EPHA7: variants seen among roughly 807,000 people sequenced by gnomAD.
EPHA7 encodes the protein EPH receptor A7, also known as ephrin type-A receptor 7.
In EPHA7, 25 loss-of-function variants were observed where a neutral mutation model predicts 112.6. The observed-to-expected ratio is 0.22, with a 90% CI of 0.16 to 0.31. The LOEUF (loss-of-function observed/expected upper bound fraction) is 0.31, where lower values mean the gene tolerates loss of function less well. Among genes scored for constraint, EPHA7 ranks in the 10% least tolerant of loss-of-function variants. The probability of loss-of-function intolerance (pLI) is 1.00; values close to 1 mark genes in which losing one functional copy is unlikely to be tolerated. For synonymous variants in EPHA7, 437 were observed against 406.5 expected (o/e 1.07, Z -0.90); for missense variants, 962 against 1,212.6 (o/e 0.79, Z 3.07).
At chr6:93,311,843 G>T (rs9363063) in intron 5 of EPHA7, among the ~76,000 whole-genome samples, 1 of 152,090 alleles carries the variant, frequency 6.6e-6, no homozygotes, top group Non-Finnish European at 1.5e-5. Context: ...TAATCTATGG[G>T]CTGCAGAATA....
chr6:93,249,176 T>C (rs1770094333), intron 14 of EPHA7, among the ~76,000 whole-genome samples: 1 of 152,174 alleles, frequency 6.6e-6, no homozygotes, highest in South Asian at 2.1e-4. Context: ...TGCATATCAC[T>C]GTAAACATTC....
intron 5 of EPHA7, among the ~76,000 whole-genome samples, chr6:93,305,294 A>G (rs924949999): frequency 1.3e-5 from 2 of 151,936 alleles, no homozygotes; most frequent in South Asian, 4.1e-4. Context: ...AGATGGTATT[A>G]GTGAAAGGAG....
intron 7 of EPHA7, among the ~76,000 whole-genome samples, chr6:93,265,526 C>T (rs995435799): frequency 5.9e-5 from 9 of 151,576 alleles, no homozygotes; most frequent in African/African-American, 2.2e-4. Context: ...TTATCACTTC[C>T]ATTTTTCCAA....
rs896726044 is a variant in EPHA7 at position 93,291,660 on chromosome 6, T to C, written c.1325-19238A>G. Among the ~76,000 whole-genome samples the C allele has an allele frequency of 4.2e-5, 6 of 144,420 alleles. No individual in the cohort carries two copies. The East Asian group carries it at 6.2e-4, about 15-fold the overall frequency. The allele number at this position is 144,420 out of a possible 152,430, so 94.7% of individuals were successfully genotyped here. On this transcript the variant is annotated intron_variant, in intron 5 of 16. Coordinates refer to ENST00000369303, the MANE Select transcript of EPHA7 (RefSeq NM_004440.4). ...GCGGGCGCCTGTAGTCCCAGCTACTTGGGAGGCTGAGGCAGGAGAATGGCG... is the reference window on the plus strand; with the variant it reads ...GCGGGCGCCTGTAGTCCCAGCTACTCGGGAGGCTGAGGCAGGAGAATGGCG...
At chr6:93,361,956 T>C (rs1218258734) in intron 3 of EPHA7, among the ~76,000 whole-genome samples, 7 of 152,102 alleles carry the variant, frequency 4.6e-5, no homozygotes, top group Admixed American at 6.5e-5. Context: ...TTCACTATAT[T>C]GATAAAAATT....
intron 5 of EPHA7, among the ~76,000 whole-genome samples, chr6:93,319,788 A>C (rs890272642): frequency 6.6e-6 from 1 of 152,124 alleles, no homozygotes; most frequent in Non-Finnish European, 1.5e-5. Context: ...AAATATTTGG[A>C]AGGTAGATTC....
At chr6:93,268,383 C>G (rs2127875431) in intron 7 of EPHA7, among the ~76,000 whole-genome samples, 1 of 151,898 alleles carries the variant, frequency 6.6e-6, no homozygotes, top group South Asian at 2.1e-4. Context: ...GGATATTTAT[C>G]AATTTACTCC....
At chr6:93,331,210 T>C (rs1774575510) in intron 5 of EPHA7, among the ~76,000 whole-genome samples, 1 of 151,510 alleles carries the variant, frequency 6.6e-6, no homozygotes, top group Admixed American at 6.6e-5. Flanking sequence ...AGGATATCAC[T>C]GTATTTTAAG....
chr6:93,400,323 G>A (rs190356571), intron 3 of EPHA7, among the ~76,000 whole-genome samples: 13 of 152,096 alleles, frequency 8.5e-5, no homozygotes, highest in African/African-American at 3.1e-4. Flanking sequence ...AAAATAAACA[G>A]GGAACATATA....
chr6:93,253,990 C>T (rs1186008576), intron 14 of EPHA7, among the ~76,000 whole-genome samples: 3 of 151,910 alleles, frequency 2.0e-5, no homozygotes, highest in African/African-American at 7.2e-5. Context: ...TATACACGCT[C>T]ACATGGACTA....
intron 7 of EPHA7, among the ~76,000 whole-genome samples, 175 bp downstream of exon 7, chr6:93,269,302 A>G (rs1416260872): frequency 6.6e-6 from 1 of 151,830 alleles, no homozygotes; most frequent in Admixed American, 6.6e-5. Context: ...TTGCTAAACA[A>G]AACAGCAAAT....
At chr6:93,259,722 A>C (rs1194885037) in intron 9 of EPHA7, among the ~76,000 whole-genome samples, 1 of 152,010 alleles carries the variant, frequency 6.6e-6, no homozygotes, top group Non-Finnish European at 1.5e-5. Context: ...CAGTAAATCA[A>C]CAAAAGACAT....
intron 3 of EPHA7, among the ~76,000 whole-genome samples, chr6:93,360,870 T>C (rs1223757646): frequency 1.3e-5 from 2 of 152,116 alleles, no homozygotes; most frequent in South Asian, 2.1e-4. Context: ...CTCAGCCTTA[T>C]GCTATTCTAC....
chr6:93,269,731 A>AT lies in EPHA7; in HGVS notation c.1450-72dup, dbSNP rs1223538509. ...GACAATTTGACAGCCAACTGTTTCA[A>AT]TTTAATTCAATTTGCTCCATTGTTT... On this transcript the variant is annotated intron_variant, in intron 6 of 16. Transcript: ENST00000369303. The AT allele has an allele frequency of 2.5e-6, 3 of 1,220,892 alleles. No individual in the cohort carries two copies. In the African/African-American group the frequency reaches 4.7e-5, roughly 19 times the overall value. The allele number at this position is 1,220,892 out of a possible 1,614,324, so 75.6% of individuals were successfully genotyped here. A position where few individuals can be genotyped will look rare whatever the true frequency, so the allele number is the denominator to read the frequency against.
rs1771774950 is a variant in EPHA7 at position 93,282,125 on chromosome 6, G to A, written c.1325-9703C>T. Among the ~76,000 whole-genome samples the A allele has an allele frequency of 2.0e-5, 3 of 152,102 alleles. No homozygotes were observed. The South Asian group carries it at 6.2e-4, about 32-fold the overall frequency. On this transcript the variant is annotated intron_variant, in intron 5 of 16. Transcript: ENST00000369303. ...ATTCATAGATTTGGTTTACTTTTAA[G>A]AAACAGTAAATCATGTATTTAAACA...
intron 3 of EPHA7, among the ~76,000 whole-genome samples, chr6:93,376,168 G>C (rs1048553897): frequency 6.6e-6 from 1 of 151,930 alleles, no homozygotes; most frequent in Non-Finnish European, 1.5e-5. Context: ...TTTTGAGACA[G>C]GATCTCACTC....
At chr6:93,287,125 A>G (rs1431086572) in intron 5 of EPHA7, among the ~76,000 whole-genome samples, 1 of 152,068 alleles carries the variant, frequency 6.6e-6, no homozygotes, top group Non-Finnish European at 1.5e-5. Flanking sequence ...AATTACCTTC[A>G]CTCTTTTATA....
chr6:93,314,857 T>C (rs1773715956), intron 5 of EPHA7, among the ~76,000 whole-genome samples: 1 of 144,988 alleles, frequency 6.9e-6, no homozygotes, highest in Non-Finnish European at 1.5e-5. Context: ...AATATAATTT[T>C]CTTTTTTTTT....
At chr6:93,399,533 A>C (rs1395620524) in intron 3 of EPHA7, among the ~76,000 whole-genome samples, 1 of 152,134 alleles carries the variant, frequency 6.6e-6, no homozygotes, top group Non-Finnish European at 1.5e-5. Flanking sequence ...ATTTCCATAG[A>C]AAAGAAATCT....
Sources: gnomAD v4.1 joint callset for allele counts (sites outside exome capture counted in the v4.1 genomes callset) on GRCh38, gnomAD v4.1.1 for gene constraint, MANE v1.5 for transcripts, NCBI Gene and HGNC (gene_info 2026-07-23, HGNC 2026-07-21) for gene names.